Variants in CDH8 observed in about 807,000 individuals in gnomAD.
The protein encoded by CDH8 is cadherin 8.
CDH8 carries 17 observed loss-of-function variants against 68.1 expected under a neutral mutation model. The observed-to-expected ratio is 0.25, with a 90% CI of 0.17 to 0.37. The LOEUF (loss-of-function observed/expected upper bound fraction) is 0.37, where lower values mean the gene tolerates loss of function less well. CDH8 is among the 10% of genes least tolerant of loss of function. CDH8 has a pLI of 1.00. For missense variants in CDH8, 763 were observed against 999.3 expected (o/e 0.76, Z 3.19); for synonymous variants, 372 against 365.1 (o/e 1.02, Z -0.21).
At chr16:61,700,666 C>G (rs1187945743) in intron 10 of CDH8, among the ~76,000 whole-genome samples, 1 of 152,094 alleles carries the variant, frequency 6.6e-6, no homozygotes, top group Non-Finnish European at 1.5e-5. Context: ...TAAGATTTCT[C>G]ACTTATATGT....
Position 61,650,234 on chromosome 16 carries a change from T to C in CDH8, c.*3374A>G, listed in dbSNP as rs1963290365. The stretch of plus-strand genomic sequence containing the variant: ...CTTAATACTCTTTAATATTCATATA[T>C]GGATGTTTAAGAGACACTTTGCTAA... On this transcript the variant is annotated 3_prime_UTR_variant, in exon 12 of 12. Transcript: ENST00000577390. 1 of 152,094 alleles carries C rather than the reference T, an allele frequency of 6.6e-6. No individual in the cohort carries two copies. The highest frequency in any genetic ancestry group is 1.9e-4 in the East Asian group (1 of 5,164). 9.4% of individuals were successfully genotyped at this position (152,094 alleles called of 1,614,324 possible). A position where few individuals can be genotyped will look rare whatever the true frequency, so the allele number is the denominator to read the frequency against.
Position 61,727,208 on chromosome 16 carries a change from G to A in CDH8, c.1422C>T (p.His474=), listed in dbSNP as rs765017822. The change falls in exon 9 of 12, where the codon CAC becomes CAT. Residue 474 remains histidine, a synonymous_variant. Transcript: ENST00000577390. The part of the protein sequence containing the change: ...ITIIATEIRN[H]SQISRVPVAI... Reference sequence around the variant, plus strand: ...CAACAGGTACTCGTGATATCTGACTGTGGTTCCCTATGGGAAGGAAAAAAT... The same window carrying A: ...CAACAGGTACTCGTGATATCTGACTATGGTTCCCTATGGGAAGGAAAAAAT... 3 of 1,606,832 alleles carry A rather than the reference G, an allele frequency of 1.9e-6. No individual in the cohort carries two copies. The highest frequency in any genetic ancestry group is 2.6e-6 in the Non-Finnish European group (3 of 1,175,388).
At chr16:61,979,248 C>G (rs1965491506) in intron 2 of CDH8, among the ~76,000 whole-genome samples, 1 of 152,130 alleles carries the variant, frequency 6.6e-6, no homozygotes, top group Non-Finnish European at 1.5e-5. Flanking sequence ...GTCCTCACCC[C>G]TGGCGGATAA....
intron 1 of CDH8, among the ~76,000 whole-genome samples, chr16:62,030,384 TC>T (rs1325613773): frequency 6.6e-6 from 1 of 152,126 alleles, no homozygotes; most frequent in African/African-American, 2.4e-5. Flanking sequence ...TGTTTTTTTT[TC>T]ATTTTTCTGA....
chr16:61,673,481 T>A (rs1963836955), intron 10 of CDH8, among the ~76,000 whole-genome samples: 1 of 152,190 alleles, frequency 6.6e-6, no homozygotes, highest in Non-Finnish European at 1.5e-5. Flanking sequence ...AAATACAGCA[T>A]TTCCCCTTCC....
At chr16:61,751,132 A>C (rs1960147435) in intron 8 of CDH8, among the ~76,000 whole-genome samples, 1 of 152,102 alleles carries the variant, frequency 6.6e-6, no homozygotes, top group Admixed American at 6.6e-5. Flanking sequence ...AAAGATAAAC[A>C]GAAACTATCT....
intron 9 of CDH8, among the ~76,000 whole-genome samples, chr16:61,719,958 T>A (rs1441863315): frequency 6.7e-6 from 1 of 149,988 alleles, no homozygotes; most frequent in African/African-American, 2.4e-5. Context: ...TCATGTTTAA[T>A]TTTGTCTAAT....
chr16:61,948,687 C>T (rs1033577202), intron 2 of CDH8, among the ~76,000 whole-genome samples: 1 of 152,108 alleles, frequency 6.6e-6, no homozygotes, highest in African/African-American at 2.4e-5. Flanking sequence ...ATGTTAAATC[C>T]GTAGCTTTAA....
chr16:61,991,748 T>C (rs1304708222), intron 2 of CDH8, among the ~76,000 whole-genome samples: 1 of 152,158 alleles, frequency 6.6e-6, no homozygotes, highest in Non-Finnish European at 1.5e-5. Flanking sequence ...ATCGCTTGCC[T>C]TCGATTCTTC....
intron 2 of CDH8, among the ~76,000 whole-genome samples, chr16:61,940,934 A>G (rs1964714201): frequency 6.6e-6 from 1 of 152,236 alleles, no homozygotes; most frequent in East Asian, 1.9e-4. Context: ...GCGTAATGAT[A>G]ATCATAAAAA....
At chr16:62,033,902 G>A (rs1043218324) in intron 1 of CDH8, among the ~76,000 whole-genome samples, 3 of 151,886 alleles carry the variant, frequency 2.0e-5, no homozygotes, top group Non-Finnish European at 4.4e-5. Flanking sequence ...AAAATACTGT[G>A]ACTGCTCCAG....
At chr16:61,797,016 A>G (rs1961515792) in intron 7 of CDH8, among the ~76,000 whole-genome samples, 1 of 152,106 alleles carries the variant, frequency 6.6e-6, no homozygotes, top group Non-Finnish European at 1.5e-5. Flanking sequence ...CCAGAGTAAT[A>G]TGTTTCCTCA....
At chr16:61,881,688 T>G (rs1963581387) in intron 3 of CDH8, among the ~76,000 whole-genome samples, 1 of 152,172 alleles carries the variant, frequency 6.6e-6, no homozygotes, top group African/African-American at 2.4e-5. Flanking sequence ...AGCACAGCAT[T>G]TTATCCTTTC....
intron 2 of CDH8, among the ~76,000 whole-genome samples, chr16:62,013,261 CAA>C (rs1165564723): frequency 1.6e-4 from 1 of 6,404 alleles, no homozygotes; most frequent in African/African-American, 7.4e-4. Context: ...GACTCCGTCT[CAA>C]AAAAAAAAAA....
At position 61,729,882 on chromosome 16, in the gene CDH8, A is replaced by G. The variant is rs1959485705; in HGVS notation, c.1415-2667T>C. On this transcript the variant is annotated intron_variant, in intron 8 of 11. Coordinates refer to ENST00000577390, the MANE Select transcript of CDH8 (RefSeq NM_001796.5). The stretch of plus-strand genomic sequence containing the variant: ...ATTTTGCTCCTTCTGAAGTGAAAAA[A>G]TTGCTAATTTTACAGATTCAGATAC... Among the ~76,000 whole-genome samples, 5 of 151,432 alleles carry G rather than the reference A, an allele frequency of 3.3e-5. No homozygotes were observed. In the South Asian group the frequency reaches 1.0e-3, roughly 31 times the overall value.
chr16:61,814,455 T>C (rs1962028715), intron 7 of CDH8, among the ~76,000 whole-genome samples: 1 of 152,162 alleles, frequency 6.6e-6, no homozygotes, highest in Non-Finnish European at 1.5e-5. Flanking sequence ...GTAGTAGGTA[T>C]AAGAAGTCAA....
intron 8 of CDH8, among the ~76,000 whole-genome samples, chr16:61,757,261 A>G (rs145878979): frequency 2.1e-4 from 32 of 152,278 alleles, no homozygotes; most frequent in African/African-American, 7.7e-4. Context: ...CAATAAGTAA[A>G]TATTTAAAGG....
At chr16:62,019,382 G>A (rs529518284) in intron 2 of CDH8, among the ~76,000 whole-genome samples, 16 of 152,248 alleles carry the variant, frequency 1.1e-4, no homozygotes, top group Middle Eastern at 6.8e-3. Flanking sequence ...TGTGATCTTG[G>A]TTTGGTTTAT....
intron 2 of CDH8, among the ~76,000 whole-genome samples, chr16:61,986,955 A>G (rs575768203): frequency 6.6e-6 from 1 of 152,322 alleles, no homozygotes; most frequent in East Asian, 1.9e-4. Context: ...CCTACTGATT[A>G]TTCGCAACAA....
Sources: gnomAD v4.1 joint callset for allele counts (sites outside exome capture counted in the v4.1 genomes callset) on GRCh38, gnomAD v4.1.1 for gene constraint, MANE v1.5 for transcripts, NCBI Gene and HGNC (gene_info 2026-07-23, HGNC 2026-07-21) for gene names.